STXBP5: variants seen among roughly 807,000 people sequenced by gnomAD.
The protein encoded by STXBP5 is syntaxin binding protein 5.
Under a neutral mutation model 152.4 loss-of-function variants are expected in STXBP5, and 50 were observed. The observed-to-expected ratio is 0.33, with a 90% CI of 0.26 to 0.42. The LOEUF (loss-of-function observed/expected upper bound fraction) is 0.42, where lower values mean the gene tolerates loss of function less well. STXBP5 is among the 10% of genes least tolerant of loss of function. The pLI is 1.00. For synonymous variants in STXBP5, 492 were observed against 494.7 expected, an observed-to-expected ratio of 0.99 and a Z score of 0.07; for missense variants, 1,167 against 1,388.6, an observed-to-expected ratio of 0.84 and a Z score of 2.54.
At chr6:147,334,280 A>G in intron 19 of STXBP5, 58 bp downstream of exon 19, 1 of 1,486,626 alleles carries the variant, frequency 6.7e-7, no homozygotes, top group Non-Finnish European at 9.2e-7. Flanking sequence ...CCAAGATAGC[A>G]TACTAGTGTA....
At chr6:147,254,100 A>G (rs1193031670) in intron 4 of STXBP5, among the ~76,000 whole-genome samples, 1 of 152,226 alleles carries the variant, frequency 6.6e-6, no homozygotes, top group African/African-American at 2.4e-5. Flanking sequence ...ACAGATACAT[A>G]GACCAATGTA....
Position 147,363,669 on chromosome 6 carries a change from C to G in STXBP5, c.2880C>G (p.Ala960=), listed in dbSNP as rs1785166596. Reference sequence around the variant, plus strand: ...CATTGAGTAACAGTATCTGCCTTGCCTGTTTCTGTGCCAATGGACATATAA... The same window carrying G: ...CATTGAGTAACAGTATCTGCCTTGCGTGTTTCTGTGCCAATGGACATATAA... ...IVALSNSICL[A]CFCANGHIMT... Residue 960 remains alanine (A), a synonymous_variant, in exon 24 of 28, where the codon GCC becomes GCG. Transcript: ENST00000321680. The G allele has an allele frequency of 6.2e-7, 1 of 1,613,258 alleles. No individual in the cohort carries two copies. The highest frequency in any genetic ancestry group is 1.7e-5 in the Admixed American group (1 of 59,900).
At chr6:147,367,410 G>T (rs907860544) in intron 25 of STXBP5, among the ~76,000 whole-genome samples, 1 of 152,018 alleles carries the variant, frequency 6.6e-6, no homozygotes, top group Non-Finnish European at 1.5e-5. Context: ...AGGCCGAGGC[G>T]GGTGGATCAC....
chr6:147,244,489 G>A (rs968814195), intron 4 of STXBP5, among the ~76,000 whole-genome samples: 2 of 152,108 alleles, frequency 1.3e-5, no homozygotes, highest in African/African-American at 4.8e-5. Flanking sequence ...ATTGACTGTA[G>A]CATTTACTTA....
Position 147,386,178 on chromosome 6 carries a change from GC to G in STXBP5, c.*1424del, listed in dbSNP as rs1031833132. On this transcript the variant is annotated 3_prime_UTR_variant, in exon 28 of 28. Coordinates refer to ENST00000321680, the MANE Select transcript of STXBP5 (RefSeq NM_001127715.4). Reference sequence around the variant, plus strand: ...GAGATTATTATTGATTGTTGTTAAAGCAACCCAGCAAAAGCAAAATGGAAGC... The same window carrying G: ...GAGATTATTATTGATTGTTGTTAAAGAACCCAGCAAAAGCAAAATGGAAGC... 2.6e-5 allele frequency: 4 copies of G among 151,782 alleles called. No individual in the cohort carries two copies. Among genetic ancestry groups the G allele is most frequent in the Admixed American group, 1.3e-4 (2 of 15,206 alleles). The allele number at this position is 151,782 out of a possible 1,614,324, so 9.4% of individuals were successfully genotyped here.
intron 25 of STXBP5, among the ~76,000 whole-genome samples, chr6:147,365,932 A>G (rs1396743317): frequency 1.3e-5 from 2 of 152,208 alleles, no homozygotes; most frequent in Non-Finnish European, 2.9e-5. Flanking sequence ...AAAACAAAGC[A>G]GACAGAACTC....
At chr6:147,305,417 GT>G (rs1208536932) in intron 9 of STXBP5, among the ~76,000 whole-genome samples, 10 of 151,812 alleles carry the variant, frequency 6.6e-5, no homozygotes, top group Non-Finnish European at 1.5e-4. Flanking sequence ...TGAAAATGTT[GT>G]TTTGGATTAT....
chr6:147,279,012 A>G (rs1582882273), intron 8 of STXBP5, among the ~76,000 whole-genome samples: 2 of 152,272 alleles, frequency 1.3e-5, no homozygotes. Context: ...AGCATAAACT[A>G]TATTCTTTGT....
At chr6:147,277,195 G>A (rs913287236) in intron 7 of STXBP5, among the ~76,000 whole-genome samples, 1 of 152,028 alleles carries the variant, frequency 6.6e-6, no homozygotes, top group Non-Finnish European at 1.5e-5. Flanking sequence ...AAATTTATAA[G>A]TATAGAAAGA....
At chr6:147,268,845 T>G (rs1780017715) in intron 7 of STXBP5, among the ~76,000 whole-genome samples, 1 of 152,146 alleles carries the variant, frequency 6.6e-6, no homozygotes, top group Non-Finnish European at 1.5e-5. Context: ...AGAACAGTAT[T>G]TTTTAGAGAG....
chr6:147,267,947 T>A (rs1275050374), intron 7 of STXBP5, among the ~76,000 whole-genome samples: 2 of 152,172 alleles, frequency 1.3e-5, no homozygotes, highest in Non-Finnish European at 1.5e-5. Context: ...GTAGGTCACT[T>A]CAGTAAAGAG....
At chr6:147,297,195 C>G (rs1167151033) in intron 9 of STXBP5, among the ~76,000 whole-genome samples, 4 of 152,100 alleles carry the variant, frequency 2.6e-5, no homozygotes, top group Non-Finnish European at 1.5e-5. Context: ...AAAGAGAATT[C>G]TAAAAGCAGA....
intron 7 of STXBP5, among the ~76,000 whole-genome samples, chr6:147,272,514 C>A (rs537881496): frequency 6.6e-6 from 1 of 152,184 alleles, no homozygotes; most frequent in African/African-American, 2.4e-5. Flanking sequence ...GAATTTGATT[C>A]TCAGTGCCAT....
At chr6:147,242,724 G>A (rs185206012) in intron 4 of STXBP5, among the ~76,000 whole-genome samples, 1 of 152,274 alleles carries the variant, frequency 6.6e-6, no homozygotes, top group African/African-American at 2.4e-5. Context: ...CAGCCTAGGT[G>A]TGTAGTAGGC....
chr6:147,371,181 T>G (rs1412224017), intron 25 of STXBP5, among the ~76,000 whole-genome samples: 1 of 152,086 alleles, frequency 6.6e-6, no homozygotes, highest in African/African-American at 2.4e-5. Context: ...GTTTTAGATT[T>G]CACCAACATA....
intron 19 of STXBP5, 27 bp downstream of exon 19, chr6:147,334,249 A>C: frequency 6.3e-7 from 1 of 1,594,444 alleles, no homozygotes; most frequent in South Asian, 1.1e-5. Flanking sequence ...TTATTTCATT[A>C]ATAATTATGA....
chr6:147,361,574 A>G (rs1003742570), intron 23 of STXBP5, among the ~76,000 whole-genome samples: 3 of 152,136 alleles, frequency 2.0e-5, no homozygotes, highest in Non-Finnish European at 2.9e-5. Context: ...AAAGTGGTCT[A>G]CTTTGTCTGC....
chr6:147,320,749 T>C (rs1196230656), intron 16 of STXBP5, among the ~76,000 whole-genome samples: 1 of 152,198 alleles, frequency 6.6e-6, no homozygotes, highest in Admixed American at 6.5e-5. Flanking sequence ...TAAGTATTGA[T>C]TTTTAAAACT....
chr6:147,248,100 C>T (rs1429932759), intron 4 of STXBP5, among the ~76,000 whole-genome samples: 5 of 151,714 alleles, frequency 3.3e-5, no homozygotes, highest in Non-Finnish European at 7.4e-5. Context: ...GCCAACATGG[C>T]GAAACCCTGT....
Sources: gnomAD v4.1 joint callset for allele counts (sites outside exome capture counted in the v4.1 genomes callset) on GRCh38, gnomAD v4.1.1 for gene constraint, MANE v1.5 for transcripts, NCBI Gene and HGNC (gene_info 2026-07-23, HGNC 2026-07-21) for gene names.